TTL: variants seen among roughly 807,000 people sequenced by gnomAD.
TTL encodes tubulin tyrosine ligase, also known as tubulin--tyrosine ligase.
In TTL, 10 loss-of-function variants were observed where a neutral mutation model predicts 41.1. The observed-to-expected ratio is 0.24, with a 90% CI of 0.15 to 0.41. TTL has a LOEUF of 0.41. Among genes scored for constraint, TTL ranks in the 10% least tolerant of loss-of-function variants. The probability of loss-of-function intolerance (pLI) is 1.00; values close to 1 mark genes in which losing one functional copy is unlikely to be tolerated. For synonymous variants in TTL, 175 were observed against 175.5 expected (o/e 1.00, Z 0.02); for missense variants, 367 against 460.4 (o/e 0.80, Z 1.86).
At chr2:112,499,861 G>T (rs1681643705) in intron 3 of TTL, among the ~76,000 whole-genome samples, 1 of 152,180 alleles carries the variant, frequency 6.6e-6, no homozygotes, top group South Asian at 2.1e-4. Flanking sequence ...AGCCAATGTG[G>T]TGTCACACAC....
At chr2:112,487,070 C>T (rs1681260080) in intron 2 of TTL, among the ~76,000 whole-genome samples, 1 of 152,140 alleles carries the variant, frequency 6.6e-6, no homozygotes, top group Non-Finnish European at 1.5e-5. Context: ...TCAGGGCTGT[C>T]GTGGGCCTCC....
chr2:112,513,168 A>C (rs934331593), intron 5 of TTL, among the ~76,000 whole-genome samples: 26 of 152,094 alleles, frequency 1.7e-4, no homozygotes, highest in Non-Finnish European at 2.6e-4. Context: ...TATTTTTGCT[A>C]TCAACAGTTT....
chr2:112,496,579 T>TA (rs1182939818), intron 3 of TTL, among the ~76,000 whole-genome samples: 2 of 152,014 alleles, frequency 1.3e-5, no homozygotes, highest in Non-Finnish European at 1.5e-5. Flanking sequence ...ATTCCACTAT[T>TA]ACAGATAACA....
intron 5 of TTL, among the ~76,000 whole-genome samples, chr2:112,517,573 T>C (rs1393685392): frequency 6.6e-6 from 1 of 151,698 alleles, no homozygotes; most frequent in South Asian, 2.1e-4. Context: ...TAGTATTTTT[T>C]TCTCTCTCTC....
At chr2:112,502,137 A>G (rs1347489736) in intron 4 of TTL, among the ~76,000 whole-genome samples, 1 of 152,148 alleles carries the variant, frequency 6.6e-6, no homozygotes, top group East Asian at 1.9e-4. Flanking sequence ...GGTGCATTCT[A>G]AAGCTAAACA....
chr2:112,502,972 G>A lies in TTL; in HGVS notation c.666G>A (p.Arg222=). ...ACCTCTATAGAGAGGGTGTGCTTCG[G>A]ACTGCTTCAGAACCATATCATGTTG... ...NIYLYREGVL[R]TASEPYHVDN... The change falls in exon 5 of 7, where the codon CGG becomes CGA. Residue 222 remains arginine (R), a synonymous_variant. Coordinates refer to ENST00000233336, the MANE Select transcript of TTL (RefSeq NM_153712.5). The A allele has an allele frequency of 6.2e-7, 1 of 1,614,016 alleles. No homozygotes were observed. The highest frequency in any genetic ancestry group is 8.5e-7 in the Non-Finnish European group (1 of 1,179,992).
At chr2:112,490,814 C>G (rs1681362917) in intron 2 of TTL, among the ~76,000 whole-genome samples, 1 of 151,916 alleles carries the variant, frequency 6.6e-6, no homozygotes, top group African/African-American at 2.4e-5. Context: ...CTCAGGTGAT[C>G]CACCTGCCTC....
intron 5 of TTL, among the ~76,000 whole-genome samples, chr2:112,517,741 A>G (rs1204786273): frequency 1.3e-5 from 2 of 150,978 alleles, no homozygotes; most frequent in Non-Finnish European, 3.0e-5. Flanking sequence ...CCAGGAGTTC[A>G]AGACCAGCCT....
rs1288634170 is a variant in TTL at position 112,482,321 on chromosome 2, G to A, written c.-24G>A. ...CTGGTCCCTGCGGCGGCTGCCCGGCGGCCCGGGCGCGCGGCGCTTCGCCAT... is the reference window on the plus strand; with the variant it reads ...CTGGTCCCTGCGGCGGCTGCCCGGCAGCCCGGGCGCGCGGCGCTTCGCCAT... On this transcript the variant is annotated 5_prime_UTR_variant, in exon 1 of 7. Transcript: ENST00000233336. The surrounding 1 kb of genome is among the most constrained non-coding windows in gnomAD (Gnocchi z 5.3). 11 of 1,472,748 alleles carry A rather than the reference G, an allele frequency of 7.5e-6. No individual in the cohort carries two copies. Among genetic ancestry groups the A allele is most frequent in the Non-Finnish European group, 9.0e-6 (10 of 1,105,306 alleles). The allele number at this position is 1,472,748 out of a possible 1,614,324, so 91.2% of individuals were successfully genotyped here.
Position 112,537,529 on chromosome 2 carries a change from T to G in TTL, c.*8734T>G, listed in dbSNP as rs974340553. 5.9e-5 allele frequency: 9 copies of G among 152,252 alleles called. No individual in the cohort carries two copies. The highest frequency in any genetic ancestry group is 2.0e-4 in the Admixed American group (3 of 15,282). 9.4% of individuals were successfully genotyped at this position (152,252 alleles called of 1,614,324 possible). On this transcript the variant is annotated 3_prime_UTR_variant, in exon 7 of 7. Transcript: ENST00000233336. ...TTTTTTGACTTTTTAATATAGCTAT[T>G]CTGACTGGCGTGAGATGATATCTTA... is the stretch of plus-strand genomic sequence containing the variant.
intron 2 of TTL, among the ~76,000 whole-genome samples, chr2:112,488,326 C>G (rs984451435): frequency 4.6e-5 from 7 of 152,244 alleles, no homozygotes; most frequent in African/African-American, 1.7e-4. Flanking sequence ...CCTGCAGAGC[C>G]TGGTCTTGGT....
intron 5 of TTL, 133 bp from the exon 6 acceptor site, chr2:112,520,149 A>G: frequency 1.8e-6 from 2 of 1,083,224 alleles, no homozygotes; most frequent in East Asian, 5.1e-5. Flanking sequence ...AAAAAAAAAA[A>G]AGGAAACAGA....
At chr2:112,513,250 T>A (rs188976375) in intron 5 of TTL, among the ~76,000 whole-genome samples, 6 of 152,268 alleles carry the variant, frequency 3.9e-5, no homozygotes, top group African/African-American at 1.4e-4. Flanking sequence ...CCAAACTCTA[T>A]ACTGTCTATA....
At chr2:112,494,421 A>G (rs367763706) in intron 3 of TTL, 46 bp downstream of exon 3, 70 of 1,439,802 alleles carry the variant, frequency 4.9e-5, no homozygotes, top group East Asian at 4.6e-5. Context: ...GTAAGTTGCT[A>G]TTGTGATGTA....
intron 5 of TTL, among the ~76,000 whole-genome samples, chr2:112,511,713 T>G (rs1681923445): frequency 6.6e-6 from 1 of 151,526 alleles, no homozygotes; most frequent in South Asian, 2.1e-4. Flanking sequence ...TACAGGCACA[T>G]GCTATCATGC....
intron 6 of TTL, among the ~76,000 whole-genome samples, chr2:112,521,898 A>G (rs1682243217): frequency 6.6e-6 from 1 of 152,220 alleles, no homozygotes; most frequent in Admixed American, 6.5e-5. Flanking sequence ...CTGAAGGCCA[A>G]ACGCAAGTTA....
chr2:112,490,011 C>T (rs547156615), intron 2 of TTL, among the ~76,000 whole-genome samples: 42 of 152,248 alleles, frequency 2.8e-4, no homozygotes, highest in Admixed American at 8.5e-4. Flanking sequence ...TGGCAGAGAA[C>T]ACAGTATCAT....
chr2:112,536,532 T>C lies in TTL; in HGVS notation c.*7737T>C, dbSNP rs1336988909. 2 of 152,174 alleles carry C rather than the reference T, an allele frequency of 1.3e-5. No individual in the cohort carries two copies. The highest frequency in any genetic ancestry group is 3.4e-3 in the Middle Eastern group (1 of 290). The allele number at this position is 152,174 out of a possible 1,614,324, so 9.4% of individuals were successfully genotyped here. ...ATTGTTTCTATAGACAAAGAAGGAC[T>C]TTTTTTTAATAGTTCCAACTTTTAT... is the stretch of plus-strand genomic sequence containing the variant. On this transcript the variant is annotated 3_prime_UTR_variant, in exon 7 of 7. Coordinates refer to ENST00000233336, the MANE Select transcript of TTL (RefSeq NM_153712.5).
At chr2:112,512,387 C>T (rs557100440) in intron 5 of TTL, among the ~76,000 whole-genome samples, 15 of 152,042 alleles carry the variant, frequency 9.9e-5, no homozygotes, top group Non-Finnish European at 1.5e-4. Context: ...CTCAGCCTCC[C>T]GAATAGCTGG....
Sources: allele counts gnomAD v4.1 joint callset (sites outside exome capture counted in the v4.1 genomes callset), GRCh38; gene constraint gnomAD v4.1.1; non-coding constraint Gnocchi (gnomAD v3.1); transcripts MANE v1.5; gene names NCBI Gene and HGNC (gene_info 2026-07-23, HGNC 2026-07-21).